FNIP1: variants seen among roughly 807,000 people sequenced by gnomAD.
The protein encoded by FNIP1 is folliculin-interacting protein 1.
Under a neutral mutation model 124.5 loss-of-function variants are expected in FNIP1, and 40 were observed. The ratio of observed to expected loss-of-function variants is 0.32; its 90% CI spans 0.25 to 0.42. The LOEUF is 0.42. Among genes scored for constraint, FNIP1 ranks in the 10% least tolerant of loss-of-function variants. The pLI is 1.00. For missense variants in FNIP1, 1,176 were observed against 1,403.7 expected, an observed-to-expected ratio of 0.84 and a Z score of 2.59; for synonymous variants, 472 against 470.6, an observed-to-expected ratio of 1.00 and a Z score of -0.04.
At chr5:131,741,219 CTTCT>C (rs1239734381) in intron 2 of FNIP1, among the ~76,000 whole-genome samples, 1 of 152,134 alleles carries the variant, frequency 6.6e-6, no homozygotes, top group Non-Finnish European at 1.5e-5. Context: ...TCCGGTAACA[CTTCT>C]TTAAGATCAC....
chr5:131,735,562 ATATT>A (rs1580796722), intron 2 of FNIP1, among the ~76,000 whole-genome samples: 3 of 148,464 alleles, frequency 2.0e-5, no homozygotes, highest in Admixed American at 1.4e-4. Context: ...ACATATACAC[ATATT>A]TATATATGTA....
chr5:131,726,343 C>A (rs193211159), intron 3 of FNIP1, among the ~76,000 whole-genome samples: 24 of 152,116 alleles, frequency 1.6e-4, no homozygotes, highest in Admixed American at 1.4e-3. Context: ...TTTTGGTTGG[C>A]AGGCCATTAA....
chr5:131,747,226 C>A (rs1455671163), intron 1 of FNIP1, among the ~76,000 whole-genome samples: 1 of 151,946 alleles, frequency 6.6e-6, no homozygotes, highest in Non-Finnish European at 1.5e-5. Context: ...GTGGGTTGTC[C>A]ACCAGGCACA....
Position 131,791,389 on chromosome 5 carries a change from G to C in FNIP1, c.92+5441C>G, listed in dbSNP as rs1226571506. Among the ~76,000 whole-genome samples, 14 of 152,252 alleles carry C rather than the reference G, an allele frequency of 9.2e-5. No homozygotes were observed. The East Asian group carries it at 1.4e-3, about 15-fold the overall frequency. On this transcript the variant is annotated intron_variant, in intron 1 of 17. Transcript: ENST00000510461. Reference sequence around the variant, plus strand: ...ACCACCTGAAATCACTACAAGTGGGGCAACCAGGTAGGTAACTTTGATGAA... The same window carrying C: ...ACCACCTGAAATCACTACAAGTGGGCCAACCAGGTAGGTAACTTTGATGAA...
chr5:131,754,915 T>G (rs1413231740), intron 1 of FNIP1, among the ~76,000 whole-genome samples: 5 of 152,160 alleles, frequency 3.3e-5, no homozygotes, highest in Admixed American at 3.3e-4. Flanking sequence ...TAGATCTTAT[T>G]TAGAAGGCAG....
chr5:131,725,570 T>A (rs1346247471), intron 3 of FNIP1, among the ~76,000 whole-genome samples: 1 of 152,260 alleles, frequency 6.6e-6, no homozygotes, highest in Non-Finnish European at 1.5e-5. Flanking sequence ...TTGCTGAAGT[T>A]GCTTAACAGC....
intron 1 of FNIP1, among the ~76,000 whole-genome samples, chr5:131,792,756 T>C (rs1053770833): frequency 1.3e-5 from 2 of 152,192 alleles, no homozygotes; most frequent in African/African-American, 4.8e-5. Context: ...TATGTGCTAT[T>C]ATGTGTACAA....
At chr5:131,733,664 T>A (rs1770182673) in intron 2 of FNIP1, among the ~76,000 whole-genome samples, 1 of 152,236 alleles carries the variant, frequency 6.6e-6, no homozygotes, top group Non-Finnish European at 1.5e-5. Flanking sequence ...CAGCCTTGCA[T>A]CCCAGGGATG....
intron 11 of FNIP1, among the ~76,000 whole-genome samples, chr5:131,679,753 A>T (rs573390488): frequency 2.4e-4 from 36 of 152,254 alleles, no homozygotes; most frequent in Non-Finnish European, 4.1e-4. Context: ...ACAAAAAAAG[A>T]TTATCACACA....
chr5:131,663,031 C>T (rs1414528677), intron 15 of FNIP1, among the ~76,000 whole-genome samples: 1 of 152,146 alleles, frequency 6.6e-6, no homozygotes, highest in Non-Finnish European at 1.5e-5. Context: ...GTGTGAGCCA[C>T]CGCGGCTGGC....
At chr5:131,727,347 A>C (rs998718426) in intron 3 of FNIP1, among the ~76,000 whole-genome samples, 6 of 152,154 alleles carry the variant, frequency 3.9e-5, no homozygotes, top group African/African-American at 1.4e-4. Context: ...CTGGGTGCAT[A>C]TATACTTACA....
At chr5:131,676,956 A>G (rs897826363) in intron 13 of FNIP1, among the ~76,000 whole-genome samples, 4 of 152,186 alleles carry the variant, frequency 2.6e-5, no homozygotes, top group Non-Finnish European at 5.9e-5. Context: ...CCAGTCACCA[A>G]AATGTTCTCA....
At chr5:131,777,290 T>A (rs981306018) in intron 1 of FNIP1, among the ~76,000 whole-genome samples, 7 of 152,016 alleles carry the variant, frequency 4.6e-5, no homozygotes, top group African/African-American at 1.7e-4. Flanking sequence ...AAATTTTGTA[T>A]CTCTGTTTTG....
intron 1 of FNIP1, among the ~76,000 whole-genome samples, chr5:131,749,344 TTCACAG>T (rs1339921630): frequency 6.6e-6 from 1 of 151,944 alleles, no homozygotes; most frequent in Non-Finnish European, 1.5e-5. Context: ...GCAAAATCCA[TTCACAG>T]TAAGTGAATG....
At chr5:131,712,221 G>T (rs974681612) in intron 6 of FNIP1, among the ~76,000 whole-genome samples, 7 of 151,456 alleles carry the variant, frequency 4.6e-5, no homozygotes, top group African/African-American at 1.7e-4. Flanking sequence ...AGTCAGCTAG[G>T]ACCCCAATCC....
chr5:131,666,956 C>T (rs918111651), intron 15 of FNIP1, among the ~76,000 whole-genome samples: 1 of 152,100 alleles, frequency 6.6e-6, no homozygotes, highest in Non-Finnish European at 1.5e-5. Context: ...TTAGAAGACA[C>T]AGAGTGCATT....
At chr5:131,726,218 T>C (rs1769862039) in intron 3 of FNIP1, among the ~76,000 whole-genome samples, 1 of 152,190 alleles carries the variant, frequency 6.6e-6, no homozygotes, top group Non-Finnish European at 1.5e-5. Flanking sequence ...TAAAATGAGT[T>C]AGGGAGGATT....
chr5:131,774,138 G>A (rs1771729154), intron 1 of FNIP1, among the ~76,000 whole-genome samples: 2 of 152,112 alleles, frequency 1.3e-5, no homozygotes, highest in African/African-American at 4.8e-5. Context: ...GTGATTCTCC[G>A]GCCTTAGCCT....
chr5:131,748,317 T>A (rs1770751743), intron 1 of FNIP1, among the ~76,000 whole-genome samples: 1 of 152,156 alleles, frequency 6.6e-6, no homozygotes, highest in Non-Finnish European at 1.5e-5. Context: ...GTGGTGATGC[T>A]CATGTAAACA....
Sources: gnomAD v4.1 joint callset for allele counts (sites outside exome capture counted in the v4.1 genomes callset) on GRCh38, gnomAD v4.1.1 for gene constraint, MANE v1.5 for transcripts, NCBI Gene and HGNC (gene_info 2026-07-23, HGNC 2026-07-21) for gene names.